The following GHR variants were observed in gnomAD, a reference collection of about 807,000 sequenced individuals.
GHR encodes the protein GH receptor.
In GHR, 35 loss-of-function variants were observed where a neutral mutation model predicts 67.1. The ratio of observed to expected loss-of-function variants is 0.52; its 90% confidence interval spans 0.40 to 0.69. The LOEUF (loss-of-function observed/expected upper bound fraction) is 0.69. Ranked by LOEUF, GHR falls within the 30% of genes least tolerant of loss-of-function variation. The pLI is 0.00. For synonymous variants in GHR, 272 were observed against 269.1 expected, an observed-to-expected ratio of 1.01 and a Z score of -0.10; for missense variants, 792 against 764.6, an observed-to-expected ratio of 1.04 and a Z score of -0.42.
intron 3 of GHR, among the ~76,000 whole-genome samples, chr5:42,680,240 G>C (rs1281544319): frequency 6.6e-6 from 1 of 152,190 alleles, no homozygotes; most frequent in Admixed American, 6.5e-5. Flanking sequence ...ATATGAAAGT[G>C]ATTTCGGCTG....
intron 1 of GHR, among the ~76,000 whole-genome samples, chr5:42,546,655 G>A (rs1748744667): frequency 6.6e-6 from 1 of 152,180 alleles, no homozygotes; most frequent in Admixed American, 6.5e-5. Flanking sequence ...CCATGTGCTA[G>A]GAAGGTCATT....
intron 1 of GHR, among the ~76,000 whole-genome samples, chr5:42,436,634 C>T (rs1279440638): frequency 6.6e-6 from 1 of 152,114 alleles, no homozygotes; most frequent in East Asian, 1.9e-4. Context: ...AAGGACAGGA[C>T]ATTGATATTG....
At chr5:42,583,144 C>A (rs1469627285) in intron 2 of GHR, among the ~76,000 whole-genome samples, 1 of 152,234 alleles carries the variant, frequency 6.6e-6, no homozygotes, top group Non-Finnish European at 1.5e-5. Flanking sequence ...AATCCTGCAA[C>A]AGAATGATGC....
rs548954237 is a variant in GHR at position 42,672,774 on chromosome 5, A to G, written c.137-16116A>G. ...TTATATCTCAAGCTATATACAAACT[A>G]TAAGAATGTAATATTCAAATGTAAT... On this transcript the variant is annotated intron_variant, in intron 3 of 9. Transcript: ENST00000230882. Among the ~76,000 whole-genome samples the G allele has an allele frequency of 5.9e-5, 9 of 152,320 alleles. No homozygotes were observed. In the East Asian group the frequency reaches 1.7e-3, roughly 29 times the overall value.
intron 1 of GHR, among the ~76,000 whole-genome samples, chr5:42,492,295 A>T (rs968983945): frequency 1.3e-5 from 2 of 152,210 alleles, no homozygotes; most frequent in African/African-American, 4.8e-5. Context: ...ATACTGAGGA[A>T]TGAGAAGATT....
At chr5:42,629,015 G>T (rs1753831729) in intron 2 of GHR, 23 bp from the exon 3 acceptor site, 1 of 1,276,674 alleles carries the variant, frequency 7.8e-7, no homozygotes. Context: ...ATGACTAATG[G>T]TTTTCTTCTC....
In GHR at chr5:42,551,240, C is replaced by A. The variant is rs115706329; in HGVS notation, c.-11-14624C>A. Among the ~76,000 whole-genome samples the A allele has an allele frequency of 9.6e-3, 1,465 of 152,208 alleles. 27 individuals carry two copies. The highest frequency in any genetic ancestry group is 0.034 in the African/African-American group (1,402 of 41,518). ...GCACCAAGAGCTCATCTGTTACACC[C>A]ACAGGGATTTATCATCTTGTGACTT... On this transcript the variant is annotated intron_variant, in intron 1 of 9. Transcript: ENST00000230882.
At chr5:42,581,396 CA>C (rs1227074038) in intron 2 of GHR, among the ~76,000 whole-genome samples, 1 of 152,148 alleles carries the variant, frequency 6.6e-6, no homozygotes, top group Non-Finnish European at 1.5e-5. Context: ...AGTTGCAGTC[CA>C]CACTGTAGAA....
At chr5:42,650,080 A>G (rs1382144290) in intron 3 of GHR, among the ~76,000 whole-genome samples, 1 of 152,104 alleles carries the variant, frequency 6.6e-6, no homozygotes, top group African/African-American at 2.4e-5. Flanking sequence ...ATCTTAAGTG[A>G]CCCAGGGAAG....
chr5:42,677,728 T>C (rs988985728), intron 3 of GHR, among the ~76,000 whole-genome samples: 2 of 152,212 alleles, frequency 1.3e-5, no homozygotes, highest in African/African-American at 4.8e-5. Flanking sequence ...TTTTGCAACT[T>C]GTTCATCAGC....
At chr5:42,627,433 T>A (rs1472415578) in intron 2 of GHR, among the ~76,000 whole-genome samples, 1 of 152,220 alleles carries the variant, frequency 6.6e-6, no homozygotes, top group Non-Finnish European at 1.5e-5. Context: ...AAAAGGGGGA[T>A]TATTATGAGA....
chr5:42,583,621 A>G (rs1213933707), intron 2 of GHR, among the ~76,000 whole-genome samples: 1 of 152,070 alleles, frequency 6.6e-6, no homozygotes, highest in Non-Finnish European at 1.5e-5. Context: ...TTTGGACACT[A>G]TTTGCACACA....
intron 1 of GHR, among the ~76,000 whole-genome samples, chr5:42,524,342 A>T (rs1747609349): frequency 6.6e-6 from 1 of 152,180 alleles, no homozygotes; most frequent in African/African-American, 2.4e-5. Context: ...GACTCTTGTT[A>T]TGTTTTAGCA....
rs1216673958 is a variant in GHR, at chr5:42,632,992, G to A, written c.136+3889G>A. On this transcript the variant is annotated intron_variant, in intron 3 of 9. Transcript: ENST00000230882. The stretch of plus-strand genomic sequence containing the variant: ...CTCAACTAGGGTGCTGTGGTTGCAC[G>A]TTCTTTGTAGTTTTTCAAGAATTTT... Among the ~76,000 whole-genome samples the A allele has an allele frequency of 3.9e-5, 6 of 152,302 alleles. No homozygotes were observed. In the East Asian group the frequency reaches 1.2e-3, roughly 29 times the overall value.
At chr5:42,481,759 T>C (rs573913960) in intron 1 of GHR, among the ~76,000 whole-genome samples, 10 of 152,350 alleles carry the variant, frequency 6.6e-5, no homozygotes, top group African/African-American at 2.4e-4. Context: ...CTTCTCTGCA[T>C]TGGTTATTCT....
At chr5:42,471,904 GA>G (rs1043000218) in intron 1 of GHR, among the ~76,000 whole-genome samples, 11 of 152,160 alleles carry the variant, frequency 7.2e-5, no homozygotes, top group Non-Finnish European at 1.5e-4. Flanking sequence ...ATACACTGAT[GA>G]AAAACAATCA....
intron 6 of GHR, among the ~76,000 whole-genome samples, chr5:42,700,615 A>C (rs1242256110): frequency 6.6e-6 from 1 of 152,150 alleles, no homozygotes; most frequent in Non-Finnish European, 1.5e-5. Context: ...TTCACATGGC[A>C]CATAACAAGA....
intron 3 of GHR, among the ~76,000 whole-genome samples, chr5:42,631,896 A>T (rs1052744550): frequency 6.6e-6 from 1 of 152,138 alleles, no homozygotes; most frequent in Non-Finnish European, 1.5e-5. Context: ...CTTGGGTCCA[A>T]GAAGCCCAAA....
chr5:42,660,237 G>T (rs1487947101), intron 3 of GHR, among the ~76,000 whole-genome samples: 1 of 152,170 alleles, frequency 6.6e-6, no homozygotes, highest in African/African-American at 2.4e-5. Flanking sequence ...GTCCCTGTCT[G>T]ACAGCTTTGA....
Sources: gnomAD v4.1 joint callset for allele counts (sites outside exome capture counted in the v4.1 genomes callset) on GRCh38, gnomAD v4.1.1 for gene constraint, MANE v1.5 for transcripts, NCBI Gene and HGNC (gene_info 2026-07-23, HGNC 2026-07-21) for gene names.